The following WWOX variants were observed in gnomAD, a reference collection of about 807,000 sequenced individuals.
The protein encoded by WWOX is WW domain containing oxidoreductase, also known as WW domain-containing oxidoreductase.
In WWOX, 69 loss-of-function variants were observed where a neutral mutation model predicts 46.2. That is an observed-to-expected ratio of 1.49 (90% CI 1.23 to 1.82). The LOEUF (loss-of-function observed/expected upper bound fraction) is 1.82. Among genes scored for constraint, WWOX ranks in the 40% most tolerant of loss-of-function variants. The probability of loss-of-function intolerance (pLI) is 0.00; values close to 1 mark genes in which losing one functional copy is unlikely to be tolerated. For missense variants in WWOX, 919 were observed against 542.6 expected (o/e 1.69, Z -6.89); for synonymous variants, 359 against 202.6 (o/e 1.77, Z -6.56).
intron 8 of WWOX, among the ~76,000 whole-genome samples, chr16:79,027,279 CA>C (rs57848394): frequency 5.3e-4 from 67 of 125,444 alleles, no homozygotes; most frequent in Middle Eastern, 7.8e-3. Flanking sequence ...GACTCCATCT[CA>C]AAAAAAAAAA....
At chr16:78,409,888 G>T (rs997399868) in intron 6 of WWOX, among the ~76,000 whole-genome samples, 13 of 152,304 alleles carry the variant, frequency 8.5e-5, no homozygotes, top group African/African-American at 3.1e-4. Flanking sequence ...CAGGACTGTT[G>T]TGATGACACT....
intron 4 of WWOX, among the ~76,000 whole-genome samples, chr16:78,136,798 T>TGAAGCTGATACTG (rs1477706475): frequency 6.6e-6 from 1 of 152,194 alleles, no homozygotes; most frequent in East Asian, 1.9e-4. Flanking sequence ...GAGTCATTCA[T>TGAAGCTGATACTG]GAAGCTGATA....
intron 8 of WWOX, among the ~76,000 whole-genome samples, chr16:78,475,531 A>G (rs1365015331): frequency 3.3e-5 from 5 of 152,188 alleles, no homozygotes; most frequent in Admixed American, 2.0e-4. Flanking sequence ...TGGGTTGAAG[A>G]TAACTAGAGC....
chr16:78,248,660 C>T (rs367815546), intron 5 of WWOX, among the ~76,000 whole-genome samples: 1 of 151,982 alleles, frequency 6.6e-6, no homozygotes, highest in Admixed American at 6.6e-5. Context: ...TGCTTGAACC[C>T]GGGAGGTGGA....
At position 79,043,601 on chromosome 16, in the gene WWOX, G is replaced by A. The variant is rs77279839; in HGVS notation, c.1057-168007G>A. Among the ~76,000 whole-genome samples the A allele has an allele frequency of 3.8e-3, 571 of 152,238 alleles. 4 individuals are homozygous for A. Among genetic ancestry groups the A allele is most frequent in the African/African-American group, 0.013 (542 of 41,540 alleles). On this transcript the variant is annotated intron_variant, in intron 8 of 8. Coordinates refer to ENST00000566780, the MANE Select transcript of WWOX (RefSeq NM_016373.4). ...TTCCATCCTGCATTATAACCCTAAT[G>A]TTTGCTAATAACACACAAACCCACA...
chr16:78,859,872 T>G (rs139516879), intron 8 of WWOX, among the ~76,000 whole-genome samples: 2,183 of 152,294 alleles, frequency 0.014, 49 homozygotes, highest in African/African-American at 0.049. Context: ...GCATCTCCTA[T>G]TTTCACTTAC....
At chr16:78,257,459 G>C (rs2038163258) in intron 5 of WWOX, among the ~76,000 whole-genome samples, 1 of 152,200 alleles carries the variant, frequency 6.6e-6, no homozygotes, top group South Asian at 2.1e-4. Context: ...CAGGGATGGA[G>C]CTGGGGATTG....
rs370004103 is a variant in WWOX, at chr16:78,443,205, T to C, written c.1056+10453T>C. Among the ~76,000 whole-genome samples, 943 of 148,668 alleles carry C rather than the reference T, an allele frequency of 6.3e-3. 6 individuals are homozygous for C. The highest frequency in any genetic ancestry group is 0.022 in the African/African-American group (899 of 39,972). On this transcript the variant is annotated intron_variant, in intron 8 of 8. Transcript: ENST00000566780. ...CTATTGTCCCAGCTACTTGGGAGGC[T>C]GAGACATGAAAATCACATGAACCTG...
At chr16:78,645,747 T>C (rs1354031384) in intron 8 of WWOX, among the ~76,000 whole-genome samples, 1 of 152,112 alleles carries the variant, frequency 6.6e-6, no homozygotes, top group Non-Finnish European at 1.5e-5. Context: ...CCTCCAACAT[T>C]GGAGATCAAA....
At chr16:78,625,366 C>T (rs2046288351) in intron 8 of WWOX, among the ~76,000 whole-genome samples, 1 of 152,166 alleles carries the variant, frequency 6.6e-6, no homozygotes, top group Non-Finnish European at 1.5e-5. Context: ...GTAACTGGAT[C>T]CCTGAAATTC....
chr16:79,038,434 C>G (rs1445664630), intron 8 of WWOX, among the ~76,000 whole-genome samples: 1 of 151,778 alleles, frequency 6.6e-6, no homozygotes, highest in African/African-American at 2.4e-5. Context: ...TTTAACATGC[C>G]CTAGACATGC....
chr16:78,478,405 A>G (rs1292131106), intron 8 of WWOX, among the ~76,000 whole-genome samples: 1 of 152,160 alleles, frequency 6.6e-6, no homozygotes, highest in Non-Finnish European at 1.5e-5. Flanking sequence ...GTTAGCATGA[A>G]TGGCCATATT....
chr16:78,502,824 C>T (rs929722083), intron 8 of WWOX, among the ~76,000 whole-genome samples: 1 of 152,266 alleles, frequency 6.6e-6, no homozygotes, highest in East Asian at 1.9e-4. Context: ...TTTTCATGCT[C>T]TACTTACAGT....
At chr16:78,914,249 C>G (rs1010579476) in intron 8 of WWOX, among the ~76,000 whole-genome samples, 1 of 151,960 alleles carries the variant, frequency 6.6e-6, no homozygotes, top group Admixed American at 6.6e-5. Context: ...TTCATTCATT[C>G]ATTGCTAATT....
chr16:78,980,075 C>G (rs1214037877), intron 8 of WWOX, among the ~76,000 whole-genome samples: 2 of 152,200 alleles, frequency 1.3e-5, no homozygotes, highest in African/African-American at 2.4e-5. Flanking sequence ...TTGTAGTAAG[C>G]TGAGATTGCA....
Position 78,567,599 on chromosome 16 carries a change from C to T in WWOX, c.1056+134847C>T, listed in dbSNP as rs188441739. ...AAGAAGTGAGTTTTTTTTGTGTATT[C>T]TGAAAGGTTCCCAAGCTCGCCGCAG... On this transcript the variant is annotated intron_variant, in intron 8 of 8. Transcript: ENST00000566780. Among the ~76,000 whole-genome samples the T allele has an allele frequency of 6.0e-4, 84 of 139,096 alleles. 1 individual carries two copies. The highest frequency in any genetic ancestry group is 2.0e-3 in the African/African-American group (76 of 37,580). 91.3% of individuals were successfully genotyped at this position (139,096 alleles called of 152,430 possible). A position where few individuals can be genotyped will look rare whatever the true frequency, so the allele number is the denominator to read the frequency against.
At chr16:79,162,292 A>G (rs1362505685) in intron 8 of WWOX, among the ~76,000 whole-genome samples, 2 of 152,194 alleles carry the variant, frequency 1.3e-5, no homozygotes, top group Non-Finnish European at 2.9e-5. Flanking sequence ...TGGGGCTCTA[A>G]GGCGGAATTT....
At chr16:78,430,177 A>G (rs2083182081) in intron 7 of WWOX, among the ~76,000 whole-genome samples, 1 of 152,156 alleles carries the variant, frequency 6.6e-6, no homozygotes, top group South Asian at 2.1e-4. Flanking sequence ...GTGCAGGGGA[A>G]TTCTCATTTA....
chr16:78,968,329 C>T (rs182865951), intron 8 of WWOX, among the ~76,000 whole-genome samples: 11 of 152,170 alleles, frequency 7.2e-5, no homozygotes, highest in Admixed American at 2.0e-4. Flanking sequence ...ACCACCGACC[C>T]GAGGCAGGAA....
Sources: gnomAD v4.1 joint callset for allele counts (sites outside exome capture counted in the v4.1 genomes callset) on GRCh38, gnomAD v4.1.1 for gene constraint, MANE v1.5 for transcripts, NCBI Gene and HGNC (gene_info 2026-07-23, HGNC 2026-07-21) for gene names.